CHCHD3: variants seen among roughly 807,000 people sequenced by gnomAD.
The protein encoded by CHCHD3 is MICOS complex subunit MIC19.
A neutral mutation model predicts 38.2 loss-of-function variants in CHCHD3; 20 were observed. The ratio of observed to expected loss-of-function variants is 0.52; its 90% CI spans 0.37 to 0.76. CHCHD3 has a LOEUF of 0.76. Among genes scored for constraint, CHCHD3 ranks in the 30% least tolerant of loss-of-function variants. The pLI, the probability that CHCHD3 is intolerant of heterozygous loss-of-function variation, is 0.00. For synonymous variants in CHCHD3, 82 were observed against 100.0 expected, an observed-to-expected ratio of 0.82 and a Z score of 1.07; for missense variants, 245 against 279.2, an observed-to-expected ratio of 0.88 and a Z score of 0.87.
At chr7:132,835,735 G>T (rs376345418) in intron 6 of CHCHD3, among the ~76,000 whole-genome samples, 28 of 152,176 alleles carry the variant, frequency 1.8e-4, no homozygotes, top group African/African-American at 6.5e-4. Context: ...GGGATGAATT[G>T]TGTGTCCTGA....
chr7:132,897,636 G>C (rs759262476), intron 4 of CHCHD3, among the ~76,000 whole-genome samples: 10 of 152,150 alleles, frequency 6.6e-5, no homozygotes, highest in Non-Finnish European at 1.5e-4. Flanking sequence ...ATGCTGGCTT[G>C]AAGTTAAGAG....
chr7:132,825,257 T>C (rs1307702128), intron 6 of CHCHD3, among the ~76,000 whole-genome samples: 4 of 152,136 alleles, frequency 2.6e-5, no homozygotes, highest in East Asian at 1.9e-4. Context: ...AAAATAGATA[T>C]ATGCCATTGA....
chr7:132,974,028 T>C (rs1335870877), intron 4 of CHCHD3: 1 of 1,283,832 alleles, frequency 7.8e-7, no homozygotes, highest in Admixed American at 2.4e-5. Context: ...CTTTTATCTA[T>C]CAAATAACAA....
At chr7:133,014,097 T>C (rs1295929481) in intron 3 of CHCHD3, among the ~76,000 whole-genome samples, 2 of 152,156 alleles carry the variant, frequency 1.3e-5, no homozygotes, top group African/African-American at 2.4e-5. Flanking sequence ...AACAACCCCA[T>C]CAGGAAGTCA....
chr7:132,973,883 T>C (rs1381437446), intron 4 of CHCHD3: 2 of 1,185,160 alleles, frequency 1.7e-6, no homozygotes, highest in African/African-American at 3.2e-5. Flanking sequence ...CATGGTCCCA[T>C]TTTCCCTGTC....
intron 3 of CHCHD3, among the ~76,000 whole-genome samples, chr7:132,995,636 A>C (rs548333825): frequency 8.5e-5 from 13 of 152,350 alleles, no homozygotes; most frequent in Non-Finnish European, 2.9e-5. Flanking sequence ...CCATAGTGTG[A>C]AGCTGCGGAA....
chr7:132,846,319 G>A (rs1808075234), intron 5 of CHCHD3, among the ~76,000 whole-genome samples: 1 of 152,206 alleles, frequency 6.6e-6, no homozygotes, highest in Non-Finnish European at 1.5e-5. Flanking sequence ...GAGACTACAG[G>A]CTATCTATGG....
At chr7:133,023,813 T>A (rs1019164614) in intron 3 of CHCHD3, among the ~76,000 whole-genome samples, 6 of 152,162 alleles carry the variant, frequency 3.9e-5, no homozygotes, top group Non-Finnish European at 7.4e-5. Context: ...CACACAGGGC[T>A]ATAACTGATG....
intron 4 of CHCHD3, among the ~76,000 whole-genome samples, chr7:132,908,622 C>T (rs998033247): frequency 5.3e-5 from 8 of 152,156 alleles, no homozygotes; most frequent in South Asian, 2.1e-4. Context: ...CTAAGATACC[C>T]GAAGAAGAAA....
intron 4 of CHCHD3, among the ~76,000 whole-genome samples, chr7:132,957,186 A>T (rs1186717110): frequency 2.6e-5 from 4 of 152,072 alleles, no homozygotes; most frequent in Non-Finnish European, 5.9e-5. Flanking sequence ...TATTCCCAAA[A>T]CCCCTGGGCC....
intron 5 of CHCHD3, 82 bp downstream of exon 5, chr7:132,885,580 G>T: frequency 8.9e-7 from 1 of 1,122,524 alleles, no homozygotes; most frequent in Non-Finnish European, 1.2e-6. Context: ...AGCAGTTGAA[G>T]TTCTAATTTA....
At chr7:132,961,482 A>G (rs977337864) in intron 4 of CHCHD3, among the ~76,000 whole-genome samples, 1 of 152,122 alleles carries the variant, frequency 6.6e-6, no homozygotes, top group Admixed American at 6.5e-5. Context: ...ACAAGTAAAA[A>G]TTACATATGT....
chr7:133,052,806 C>T (rs1304589282), intron 2 of CHCHD3, among the ~76,000 whole-genome samples: 3 of 152,280 alleles, frequency 2.0e-5, no homozygotes, highest in Middle Eastern at 3.4e-3. Context: ...CAACCTTGAC[C>T]GCAGCTATGG....
chr7:133,075,084 T>C (rs916894724), intron 1 of CHCHD3, among the ~76,000 whole-genome samples: 8 of 152,366 alleles, frequency 5.3e-5, no homozygotes, highest in Non-Finnish European at 1.0e-4. Context: ...TATTTTTCTC[T>C]ATCTATGCTC....
At chr7:132,901,806 G>A (rs1809676763) in intron 4 of CHCHD3, among the ~76,000 whole-genome samples, 1 of 152,174 alleles carries the variant, frequency 6.6e-6, no homozygotes, top group Non-Finnish European at 1.5e-5. Context: ...CTGTGCAGAA[G>A]CTCTTTAGTT....
intron 4 of CHCHD3, among the ~76,000 whole-genome samples, chr7:132,952,004 T>C (rs2117289079): frequency 6.6e-6 from 1 of 152,290 alleles, no homozygotes; most frequent in East Asian, 1.9e-4. Context: ...ATATTTTCCT[T>C]AAAAACATGA....
At chr7:133,061,614 C>G (rs1814518263) in intron 2 of CHCHD3, among the ~76,000 whole-genome samples, 1 of 152,314 alleles carries the variant, frequency 6.6e-6, no homozygotes, top group Middle Eastern at 3.4e-3. Context: ...CAGCCGTGTA[C>G]TTGCCCACCC....
intron 3 of CHCHD3, among the ~76,000 whole-genome samples, chr7:133,006,808 A>G (rs1812713597): frequency 6.6e-6 from 1 of 152,202 alleles, no homozygotes; most frequent in Admixed American, 6.5e-5. Flanking sequence ...AAAGTGAAAC[A>G]TTCTGAACCA....
intron 3 of CHCHD3, among the ~76,000 whole-genome samples, chr7:132,984,197 C>G (rs564884675): frequency 1.3e-5 from 2 of 151,588 alleles, no homozygotes; most frequent in African/African-American, 4.8e-5. Context: ...CGAGTGCCTG[C>G]GATTGCAGGC....
Sources: gnomAD v4.1 joint callset for allele counts (sites outside exome capture counted in the v4.1 genomes callset) on GRCh38, gnomAD v4.1.1 for gene constraint, MANE v1.5 for transcripts, NCBI Gene and HGNC (gene_info 2026-07-23, HGNC 2026-07-21) for gene names.